Variants in GLOD4 observed in about 807,000 individuals in gnomAD.
GLOD4 encodes the protein glyoxalase domain-containing protein 4.
In GLOD4, 44 loss-of-function variants were observed where a neutral mutation model predicts 39.1. That is an observed-to-expected ratio of 1.13 (90% CI 0.88 to 1.45). The LOEUF (loss-of-function observed/expected upper bound fraction) is 1.45, where lower values mean the gene tolerates loss of function less well. Among genes scored for constraint, GLOD4 ranks in the 40% most tolerant of loss-of-function variants. The pLI, the probability that GLOD4 is intolerant of heterozygous loss-of-function variation, is 0.00. For synonymous variants in GLOD4, 145 were observed against 135.0 expected (o/e 1.07, Z -0.52); for missense variants, 405 against 366.4 (o/e 1.11, Z -0.86).
At chr17:767,629 C>A (rs1224653305) in intron 8 of GLOD4, among the ~76,000 whole-genome samples, 2 of 148,562 alleles carry the variant, frequency 1.3e-5, no homozygotes, top group Admixed American at 1.4e-4. Flanking sequence ...AGAAACAGCA[C>A]GCACTCAGAT....
intron 8 of GLOD4, among the ~76,000 whole-genome samples, chr17:767,630 G>A (rs186055723): frequency 7.0e-5 from 10 of 142,074 alleles, no homozygotes; most frequent in Admixed American, 2.9e-4. Flanking sequence ...GAAACAGCAC[G>A]CACTCAGATT....
At chr17:782,688 C>A, upstream of GLOD4, 1 of 1,598,924 alleles carries the variant, frequency 6.3e-7, no homozygotes, top group Non-Finnish European at 8.6e-7. Flanking sequence ...GGACAGGAGG[C>A]TGAGGTGATG....
intron 8 of GLOD4, among the ~76,000 whole-genome samples, chr17:761,146 A>AT (rs1597572735): frequency 1.3e-5 from 2 of 152,176 alleles, no homozygotes; most frequent in East Asian, 3.9e-4. Context: ...GGAAACAAGT[A>AT]TTTTGCATGA....
At chr17:778,885 C>A (rs994396732) in intron 1 of GLOD4, 141 bp from the exon 2 acceptor site, 5 of 606,262 alleles carry the variant, frequency 8.2e-6, no homozygotes, top group Non-Finnish European at 1.5e-5. Flanking sequence ...GAGCTTTACA[C>A]TTCTCCCAGG....
intron 4 of GLOD4, among the ~76,000 whole-genome samples, chr17:772,949 C>G (rs1908236988): frequency 6.6e-6 from 1 of 151,284 alleles, no homozygotes; most frequent in Non-Finnish European, 1.5e-5. Flanking sequence ...GAGCCCAGAG[C>G]GCGCCACTGC....
intron 8 of GLOD4, among the ~76,000 whole-genome samples, chr17:760,761 G>A (rs571616381): frequency 6.6e-5 from 10 of 152,240 alleles, no homozygotes; most frequent in African/African-American, 2.2e-4. Flanking sequence ...CTCTTCTGAT[G>A]TTGGTTCTGT....
chr17:769,796 A>C, intron 8 of GLOD4, 73 bp downstream of exon 8: 1 of 919,802 alleles, frequency 1.1e-6, no homozygotes, highest in South Asian at 1.3e-5. Context: ...CCTGTTGCTT[A>C]GTCTCCTCCC....
At chr17:783,247 T>G (rs1385915454), upstream of GLOD4, 3 of 1,614,064 alleles carry the variant, frequency 1.9e-6, no homozygotes, top group Non-Finnish European at 2.5e-6. Flanking sequence ...GTCGATAAGC[T>G]GAAAGGTGTC....
intron 4 of GLOD4, among the ~76,000 whole-genome samples, chr17:772,463 T>C (rs2144391470): frequency 6.6e-6 from 1 of 151,920 alleles, no homozygotes; most frequent in African/African-American, 2.4e-5. Flanking sequence ...AAACTTCTGC[T>C]ACATAAATTA....
At chr17:781,955 C>T in intron 1 of GLOD4, 1 of 552,666 alleles carries the variant, frequency 1.8e-6, no homozygotes, top group Non-Finnish European at 3.2e-6. Flanking sequence ...GGGCACACCG[C>T]GGGGACTAAT....
intron 8 of GLOD4, 72 bp downstream of exon 8, chr17:769,797 G>A: frequency 1.1e-6 from 1 of 935,694 alleles, no homozygotes; most frequent in East Asian, 2.4e-5. Context: ...CTGTTGCTTA[G>A]TCTCCTCCCA....
At position 770,086 on chromosome 17, in the gene GLOD4, G is replaced by A; in HGVS notation, c.702C>T (p.Thr234=). ...KILTPLVSLD[T]PGKATVQVVI... ...CCACCTGTACTGTTGCTTTCCCTGG[G>A]GTGTCCAGGCTCACCAGGGGAGTCA... The change falls in exon 7 of 9, where the codon ACC becomes ACT. Residue 234 remains threonine (T), a synonymous_variant. Coordinates refer to ENST00000301329, the MANE Select transcript of GLOD4 (RefSeq NM_016080.4). 6.2e-7 allele frequency: 1 copy of A among 1,612,160 alleles called. No homozygotes were observed. Among genetic ancestry groups the A allele is most frequent in the Non-Finnish European group, 8.5e-7 (1 of 1,178,364 alleles).
intron 8 of GLOD4, among the ~76,000 whole-genome samples, chr17:768,889 A>G (rs1401174126): frequency 6.8e-6 from 1 of 147,986 alleles, no homozygotes; most frequent in African/African-American, 2.5e-5. Context: ...AGAGGATGTG[A>G]GAGAGAGAAA....
chr17:775,632 T>C (rs1424065253), intron 4 of GLOD4, 143 bp downstream of exon 4: 2 of 656,006 alleles, frequency 3.0e-6, no homozygotes, highest in Admixed American at 2.7e-5. Flanking sequence ...GAATGTAGTC[T>C]CTCCGATAAC....
At chr17:778,774 G>A (rs1425343734) in intron 1 of GLOD4, 30 bp from the exon 2 acceptor site, 1 of 1,419,862 alleles carries the variant, frequency 7.0e-7, no homozygotes, top group East Asian at 2.3e-5. Context: ...AAATTGTGAA[G>A]TGTTGCTAGT....
rs911905242 is a variant in GLOD4, at chr17:759,953, T to C, written c.*220A>G. 2.6e-5 allele frequency: 15 copies of C among 566,788 alleles called. No homozygotes were observed. The African/African-American group carries it at 2.8e-4, about 11-fold the overall frequency. The allele number at this position is 566,788 out of a possible 1,614,324, so 35.1% of individuals were successfully genotyped here. On this transcript the variant is annotated 3_prime_UTR_variant, in exon 9 of 9. Coordinates refer to ENST00000301329, the MANE Select transcript of GLOD4 (RefSeq NM_016080.4). Reference sequence around the variant, plus strand: ...ACAGAATGCGCAGTCCCAGCAACAGTGTAGATTACAGCAGGCGTTCTCTAC... The same window carrying C: ...ACAGAATGCGCAGTCCCAGCAACAGCGTAGATTACAGCAGGCGTTCTCTAC...
At chr17:770,394 C>T (rs1597581590) in intron 6 of GLOD4, 27 bp downstream of exon 6, 4 of 1,182,692 alleles carry the variant, frequency 3.4e-6, no homozygotes, top group Non-Finnish European at 3.8e-6. Flanking sequence ...AGTCAGAAAG[C>T]TCAAACGATC....
upstream of GLOD4, among the ~76,000 whole-genome samples, chr17:785,017 T>TAA (rs1910470498): frequency 6.6e-6 from 1 of 152,210 alleles, no homozygotes; most frequent in East Asian, 1.9e-4. Context: ...TCTCCTGACT[T>TAA]CAGTCAGTAG....
intron 6 of GLOD4, 49 bp downstream of exon 6, chr17:770,372 G>C: frequency 1.0e-6 from 1 of 952,748 alleles, no homozygotes; most frequent in Admixed American, 1.7e-5. Flanking sequence ...TCTTAGCTGG[G>C]TTGAACTAGC....
Sources: allele counts gnomAD v4.1 joint callset (sites outside exome capture counted in the v4.1 genomes callset), GRCh38; gene constraint gnomAD v4.1.1; transcripts MANE v1.5; gene names NCBI Gene and HGNC (gene_info 2026-07-23, HGNC 2026-07-21).